The following PLCH1 variants were observed in gnomAD, a reference collection of about 807,000 sequenced individuals.
PLCH1 encodes the protein 1-phosphatidylinositol 4,5-bisphosphate phosphodiesterase eta-1.
PLCH1 carries 60 observed loss-of-function variants against 126.7 expected under a neutral mutation model. The observed-to-expected ratio is 0.47, with a 90% CI of 0.38 to 0.59. PLCH1 has a LOEUF of 0.59. Among genes scored for constraint, PLCH1 ranks in the 20% least tolerant of loss-of-function variants. PLCH1 has a pLI of 0.00. For missense variants in PLCH1, 1,723 were observed against 2,040.0 expected, an observed-to-expected ratio of 0.84 and a Z score of 2.99; for synonymous variants, 719 against 734.9, an observed-to-expected ratio of 0.98 and a Z score of 0.35.
chr3:155,690,055 A>G (rs1745257534), intron 2 of PLCH1, among the ~76,000 whole-genome samples: 1 of 152,000 alleles, frequency 6.6e-6, no homozygotes, highest in South Asian at 2.1e-4. Context: ...ATAAAAAAAA[A>G]AAAAAGAAAA....
chr3:155,458,930 G>T (rs1294214603), intron 21 of PLCH1, among the ~76,000 whole-genome samples: 1 of 152,044 alleles, frequency 6.6e-6, no homozygotes, highest in Non-Finnish European at 1.5e-5. Context: ...CTTCCCTAGG[G>T]TTGTACCTCC....
chr3:155,540,049 A>C (rs1357853116), intron 10 of PLCH1, among the ~76,000 whole-genome samples: 2 of 152,156 alleles, frequency 1.3e-5, no homozygotes, highest in African/African-American at 4.8e-5. Flanking sequence ...AGGCACATAG[A>C]CCAATGGAAC....
chr3:155,678,443 A>G (rs916945948), intron 2 of PLCH1, among the ~76,000 whole-genome samples: 4 of 152,330 alleles, frequency 2.6e-5, no homozygotes, highest in Middle Eastern at 3.4e-3. Context: ...AGGAGCACTC[A>G]CAGATTTTTG....
chr3:155,666,637 A>G (rs1329224231), intron 2 of PLCH1, among the ~76,000 whole-genome samples: 1 of 152,200 alleles, frequency 6.6e-6, no homozygotes, highest in East Asian at 1.9e-4. Flanking sequence ...AGAATTGAGT[A>G]GATAATCTAT....
chr3:155,535,883 C>A (rs1723286628), intron 10 of PLCH1, among the ~76,000 whole-genome samples: 10 of 152,158 alleles, frequency 6.6e-5, no homozygotes, highest in Admixed American at 6.5e-4. Flanking sequence ...TCGAGAAAAC[C>A]AGCACACTAA....
chr3:155,495,625 C>T (rs1716929344), intron 15 of PLCH1, among the ~76,000 whole-genome samples: 1 of 152,200 alleles, frequency 6.6e-6, no homozygotes, highest in African/African-American at 2.4e-5. Context: ...GGGCCTGAGT[C>T]ATATCTAGAC....
At chr3:155,647,362 AT>A (rs1330460493) in intron 2 of PLCH1, among the ~76,000 whole-genome samples, 1 of 151,932 alleles carries the variant, frequency 6.6e-6, no homozygotes, top group East Asian at 1.9e-4. Context: ...TGACTGCCTC[AT>A]TCAATAGTAA....
At chr3:155,717,106 A>G (rs1747576627) in intron 1 of PLCH1, among the ~76,000 whole-genome samples, 1 of 152,252 alleles carries the variant, frequency 6.6e-6, no homozygotes, top group Non-Finnish European at 1.5e-5. Flanking sequence ...TTAAAGCTCC[A>G]AAGTAATTTC....
chr3:155,525,953 G>T (rs900970689), intron 10 of PLCH1, among the ~76,000 whole-genome samples: 2 of 152,112 alleles, frequency 1.3e-5, no homozygotes, highest in African/African-American at 4.8e-5. Context: ...TTCAAAAACA[G>T]TAAATGTAAA....
At chr3:155,551,653 C>T (rs201069402) in intron 9 of PLCH1, among the ~76,000 whole-genome samples, 1 of 134,486 alleles carries the variant, frequency 7.4e-6, no homozygotes, top group African/African-American at 2.9e-5. Context: ...ATGTTGCTTT[C>T]CACCCTACGC....
intron 1 of PLCH1, among the ~76,000 whole-genome samples, chr3:155,709,948 T>C (rs1007391575): frequency 2.0e-5 from 3 of 152,168 alleles, no homozygotes; most frequent in Non-Finnish European, 4.4e-5. Flanking sequence ...GTTGTTTACT[T>C]ATTGTCAAGC....
intron 2 of PLCH1, among the ~76,000 whole-genome samples, chr3:155,698,169 T>C (rs151142409): frequency 2.0e-5 from 3 of 152,334 alleles, no homozygotes; most frequent in African/African-American, 4.8e-5. Flanking sequence ...TTCTGAAGCA[T>C]TCACTGAAGC....
chr3:155,589,254 T>A (rs1314074234), intron 4 of PLCH1, among the ~76,000 whole-genome samples: 2 of 152,166 alleles, frequency 1.3e-5, no homozygotes, highest in Non-Finnish European at 2.9e-5. Flanking sequence ...TGCTCTCAGC[T>A]GCAACTATTC....
At chr3:155,536,069 C>G (rs950637180) in intron 10 of PLCH1, among the ~76,000 whole-genome samples, 3 of 152,162 alleles carry the variant, frequency 2.0e-5, no homozygotes, top group Non-Finnish European at 4.4e-5. Context: ...CCCAGACAAG[C>G]AATAACAATC....
chr3:155,592,130 A>T (rs1414710469), intron 4 of PLCH1, among the ~76,000 whole-genome samples: 1 of 150,846 alleles, frequency 6.6e-6, no homozygotes, highest in Non-Finnish European at 1.5e-5. Flanking sequence ...AATGATGAGA[A>T]GTTGTCTTTT....
At chr3:155,469,243 G>T (rs113573853) in intron 21 of PLCH1, among the ~76,000 whole-genome samples, 1,812 of 152,286 alleles carry the variant, frequency 0.012, 31 homozygotes, top group African/African-American at 0.041. Context: ...CCGAAGCAGG[G>T]CGAGGCATTG....
At chr3:155,541,498 G>T (rs1464898590) in intron 10 of PLCH1, among the ~76,000 whole-genome samples, 3 of 152,104 alleles carry the variant, frequency 2.0e-5, no homozygotes, top group African/African-American at 7.2e-5. Flanking sequence ...TATGTCTTAG[G>T]AAACAGGGAG....
chr3:155,560,156 A>C (rs7637242), intron 8 of PLCH1, among the ~76,000 whole-genome samples: 3,482 of 152,318 alleles, frequency 0.023, 153 homozygotes, highest in African/African-American at 0.08. Flanking sequence ...AATTGTCTAG[A>C]GTTGACTGTC....
At chr3:155,743,149 C>T (rs1366926214) in intron 1 of PLCH1, 3 of 374,686 alleles carry the variant, frequency 8.0e-6, no homozygotes, top group South Asian at 5.9e-5. Flanking sequence ...AAGATGTGTA[C>T]TTTTGCCAAA....
Sources: gnomAD v4.1 joint callset for allele counts (sites outside exome capture counted in the v4.1 genomes callset) on GRCh38, gnomAD v4.1.1 for gene constraint, MANE v1.5 for transcripts, NCBI Gene and HGNC (gene_info 2026-07-23, HGNC 2026-07-21) for gene names.